EPHA3: variants seen among roughly 807,000 people sequenced by gnomAD.
EPHA3 encodes EPH receptor A3.
In EPHA3, 42 loss-of-function variants were observed where a neutral mutation model predicts 107.1. The observed-to-expected ratio is 0.39, with a 90% confidence interval of 0.31 to 0.51. The LOEUF (loss-of-function observed/expected upper bound fraction) is 0.51, where lower values mean the gene tolerates loss of function less well. Among genes scored for constraint, EPHA3 ranks in the 20% least tolerant of loss-of-function variants. The pLI is 0.78. For synonymous variants in EPHA3, 461 were observed against 424.8 expected (o/e 1.09, Z -1.05); for missense variants, 1,183 against 1,211.2 (o/e 0.98, Z 0.35).
chr3:89,215,598 A>G (rs1704204383), intron 3 of EPHA3, among the ~76,000 whole-genome samples: 4 of 151,916 alleles, frequency 2.6e-5, no homozygotes, highest in Admixed American at 6.6e-5. Context: ...GCAAATTCAT[A>G]TCTAAGCATT....
At chr3:89,310,043 G>C (rs186813419) in intron 3 of EPHA3, among the ~76,000 whole-genome samples, 3 of 152,118 alleles carry the variant, frequency 2.0e-5, no homozygotes, top group Admixed American at 2.0e-4. Flanking sequence ...AAAACTCACA[G>C]GGTGAGCTCC....
chr3:89,426,547 G>C (rs1709460623), intron 11 of EPHA3, among the ~76,000 whole-genome samples: 1 of 151,736 alleles, frequency 6.6e-6, no homozygotes, highest in African/African-American at 2.4e-5. Context: ...ATTTCTGAAT[G>C]GTCATGGGGC....
At chr3:89,448,513 C>T (rs1709923416) in intron 13 of EPHA3, among the ~76,000 whole-genome samples, 1 of 152,088 alleles carries the variant, frequency 6.6e-6, no homozygotes. Flanking sequence ...ATTCCATAGA[C>T]ATTACACTTT....
At chr3:89,453,439 T>C (rs1710035158) in intron 15 of EPHA3, among the ~76,000 whole-genome samples, 1 of 152,124 alleles carries the variant, frequency 6.6e-6, no homozygotes, top group South Asian at 2.1e-4. Context: ...TTTTCTTATA[T>C]ATTTTTCTTT....
chr3:89,319,738 A>C (rs1706998517), intron 3 of EPHA3, among the ~76,000 whole-genome samples: 1 of 151,938 alleles, frequency 6.6e-6, no homozygotes, highest in African/African-American at 2.4e-5. Context: ...CTGATGCCAT[A>C]AAATGTTAAA....
intron 15 of EPHA3, among the ~76,000 whole-genome samples, chr3:89,460,603 C>A (rs1290824381): frequency 6.7e-6 from 1 of 149,114 alleles, no homozygotes; most frequent in Non-Finnish European, 1.5e-5. Context: ...TCTAAGAGTA[C>A]ATAATAGAAT....
At chr3:89,330,781 G>C (rs188684810) in intron 3 of EPHA3, among the ~76,000 whole-genome samples, 51 of 152,024 alleles carry the variant, frequency 3.4e-4, no homozygotes, top group Admixed American at 2.9e-3. Context: ...TAAATTTTCC[G>C]CTCTGTTTTC....
intron 15 of EPHA3, among the ~76,000 whole-genome samples, chr3:89,470,418 G>A (rs1710376568): frequency 6.6e-6 from 1 of 152,134 alleles, no homozygotes; most frequent in East Asian, 1.9e-4. Flanking sequence ...ATAATGAACA[G>A]CTAACACATA....
At chr3:89,363,879 G>A (rs1708141817) in intron 5 of EPHA3, among the ~76,000 whole-genome samples, 1 of 150,338 alleles carries the variant, frequency 6.7e-6, no homozygotes, top group Non-Finnish European at 1.5e-5. Context: ...GGTTTTTCTT[G>A]GAAGACAATG....
intron 3 of EPHA3, among the ~76,000 whole-genome samples, chr3:89,281,007 A>T (rs6772813): frequency 0.011 from 457 of 42,290 alleles, 3 homozygotes; most frequent in African/African-American, 0.036. Context: ...GATTTTTATT[A>T]TTTATTTATT....
intron 5 of EPHA3, among the ~76,000 whole-genome samples, chr3:89,392,372 G>A (rs1303443548): frequency 6.6e-6 from 1 of 151,804 alleles, no homozygotes; most frequent in Non-Finnish European, 1.5e-5. Flanking sequence ...CCGAGAAGTG[G>A]AGGTGCAGTG....
intron 3 of EPHA3, among the ~76,000 whole-genome samples, chr3:89,269,772 A>T (rs1392600640): frequency 1.9e-5 from 2 of 102,670 alleles, no homozygotes; most frequent in African/African-American, 3.8e-5. Context: ...ACCCCACAAC[A>T]GTCCCCAGAG....
At chr3:89,427,454 T>A (rs1709481805) in intron 11 of EPHA3, among the ~76,000 whole-genome samples, 1 of 151,904 alleles carries the variant, frequency 6.6e-6, no homozygotes, top group Non-Finnish European at 1.5e-5. Flanking sequence ...TGTTATACAG[T>A]TATGTGTACA....
rs1206791496 is a variant in EPHA3, at chr3:89,211,742, CCTTCTTCTTCTTCTTCTT to C, written c.814+1282_814+1299del. On this transcript the variant is annotated intron_variant, in intron 3 of 16. Coordinates refer to ENST00000336596, the MANE Select transcript of EPHA3 (RefSeq NM_005233.6). ...TTCTTCTTTTTCTTCTTCTTCTTCT[CCTTCTTCTTCTTCTTCTT>C]CTTCTTCTTCTTCTTCTTCTTCTTC... Among the ~76,000 whole-genome samples the C allele has an allele frequency of 8.9e-3, 173 of 19,510 alleles. 3 individuals are homozygous for C. Among genetic ancestry groups the C allele is most frequent in the African/African-American group, 0.023 (148 of 6,418 alleles). 12.8% of individuals were successfully genotyped at this position (19,510 alleles called of 152,430 possible). A position where few individuals can be genotyped will look rare whatever the true frequency, so the allele number is the denominator to read the frequency against.
intron 15 of EPHA3, among the ~76,000 whole-genome samples, chr3:89,471,610 G>A (rs1448433868): frequency 2.0e-5 from 3 of 151,848 alleles, no homozygotes; most frequent in South Asian, 2.1e-4. Context: ...GTGACCCGCC[G>A]GCCTCAACCT....
intron 5 of EPHA3, among the ~76,000 whole-genome samples, chr3:89,390,074 C>G (rs1314590376): frequency 6.6e-6 from 1 of 152,108 alleles, no homozygotes. Context: ...TCATTGTAAC[C>G]TCCACCTCCA....
At chr3:89,327,287 T>G (rs1412070275) in intron 3 of EPHA3, among the ~76,000 whole-genome samples, 1 of 152,160 alleles carries the variant, frequency 6.6e-6, no homozygotes, top group Non-Finnish European at 1.5e-5. Flanking sequence ...AAGAAGATTT[T>G]CAGGTAGTTG....
chr3:89,419,824 T>C (rs1389683414), intron 11 of EPHA3, among the ~76,000 whole-genome samples: 1 of 151,386 alleles, frequency 6.6e-6, no homozygotes, highest in Non-Finnish European at 1.5e-5. Context: ...CCTGCATCCC[T>C]GCCTTTAGGA....
At chr3:89,110,128 G>A (rs1172128538) in intron 1 of EPHA3, among the ~76,000 whole-genome samples, 1 of 151,818 alleles carries the variant, frequency 6.6e-6, no homozygotes, top group African/African-American at 2.4e-5. Context: ...TGGTATTAAT[G>A]TAGTTTTCTG....
Sources: allele counts gnomAD v4.1 joint callset (sites outside exome capture counted in the v4.1 genomes callset), GRCh38; gene constraint gnomAD v4.1.1; transcripts MANE v1.5; gene names NCBI Gene and HGNC (gene_info 2026-07-23, HGNC 2026-07-21).